Variants in SLC7A7 observed in about 807,000 individuals in gnomAD.
SLC7A7 encodes the protein Y+L amino acid transporter 1.
SLC7A7 carries 39 observed loss-of-function variants against 47.9 expected under a neutral mutation model. The ratio of observed to expected loss-of-function variants is 0.81; its 90% CI spans 0.63 to 1.06. SLC7A7 has a LOEUF of 1.06. Among genes scored for constraint, SLC7A7 ranks in the 50% least tolerant of loss-of-function variants. SLC7A7 has a pLI of 0.00. For synonymous variants in SLC7A7, 234 were observed against 242.8 expected, an observed-to-expected ratio of 0.96 and a Z score of 0.34; for missense variants, 588 against 632.0, an observed-to-expected ratio of 0.93 and a Z score of 0.75.
upstream of SLC7A7, chr14:22,817,271 G>A (rs2039420049): frequency 7.5e-6 from 2 of 266,926 alleles, no homozygotes; most frequent in Non-Finnish European, 1.5e-5. Context: ...TCAGCCTCCT[G>A]AGTAACTAGG....
intron 6 of SLC7A7, 26 bp downstream of exon 6, chr14:22,775,807 C>T (rs2038591440): frequency 1.3e-6 from 2 of 1,511,356 alleles, no homozygotes; most frequent in Admixed American, 3.3e-5. Context: ...TGATGATACA[C>T]CCCTCACAAA....
chr14:22,812,929 G>C lies in SLC7A7; in HGVS notation c.470C>G (p.Ala157Gly). 1.2e-6 allele frequency: 2 copies of C among 1,613,792 alleles called. No individual in the cohort carries two copies. Among genetic ancestry groups the C allele is most frequent in the Non-Finnish European group, 1.7e-6 (2 of 1,180,006 alleles). Residue 157 changes from alanine (A) to glycine (G), a missense_variant, in exon 2 of 10, where the codon GCC becomes GGC. Transcript: ENST00000674313. ...LFPSCFAPYA[A>G]SRLLAAACIC... ...GCAGGCAGCAGCCAGCAGGCGGCTG[G>C]CAGCATAAGGGGCGAAGCAGCTCGG...
intron 2 of SLC7A7, among the ~76,000 whole-genome samples, chr14:22,782,200 T>G (rs555831344): frequency 6.6e-6 from 1 of 152,194 alleles, no homozygotes; most frequent in African/African-American, 2.4e-5. Flanking sequence ...CCTCCCGGGT[T>G]CAAGCCATTC....
chr14:22,803,251 T>C (rs7141545), intron 2 of SLC7A7, among the ~76,000 whole-genome samples: 146,349 of 152,102 alleles, frequency 0.96, 70,643 homozygotes, highest in East Asian at 1. Context: ...GAAACCCTAT[T>C]TCTGCTAAAA....
chr14:22,818,583 G>GTTTTTTTTTTT (rs565680138), upstream of SLC7A7, among the ~76,000 whole-genome samples: 3 of 129,524 alleles, frequency 2.3e-5, no homozygotes, highest in Non-Finnish European at 1.6e-5. Context: ...CAGGTTTTTG[G>GTTTTTTTTTTT]TTTTTTTTTT....
rs1195982035 is a variant in SLC7A7, at chr14:22,775,525, G to C, written c.1014C>G (p.Gly338=). ...CATCAGGGAGATGGCCTTCTCTTGA[G>C]CCCACAAAGAAAAGCCTATGTTAGG... ...IVAASRLFFV[G]SREGHLPDAI... is the part of the protein sequence containing the mutation. Residue 338 remains glycine, a synonymous_variant, in exon 7 of 10, where the codon GGC becomes GGG. Coordinates refer to ENST00000674313, the MANE Select transcript of SLC7A7 (RefSeq NM_003982.4). 9.9e-6 allele frequency: 16 copies of C among 1,614,022 alleles called. No homozygotes were observed. The highest frequency in any genetic ancestry group is 1.3e-5 in the African/African-American group (1 of 74,926).
chr14:22,786,476 T>C (rs2038819631), intron 2 of SLC7A7, among the ~76,000 whole-genome samples: 4 of 152,164 alleles, frequency 2.6e-5, no homozygotes, highest in Admixed American at 2.6e-4. Context: ...TGCATATACT[T>C]CACTGTGTCA....
At chr14:22,807,649 G>A (rs1425330452) in intron 2 of SLC7A7, among the ~76,000 whole-genome samples, 1 of 152,046 alleles carries the variant, frequency 6.6e-6, no homozygotes, top group African/African-American at 2.4e-5. Context: ...CTCACCCAGG[G>A]CTGTCTCCTC....
chr14:22,778,598 T>G (rs1190484343), intron 4 of SLC7A7, among the ~76,000 whole-genome samples, 195 bp downstream of exon 4: 1 of 152,220 alleles, frequency 6.6e-6, no homozygotes, highest in Non-Finnish European at 1.5e-5. Context: ...AAAGCATACA[T>G]GAGTAAGTTC....
At chr14:22,798,570 C>T (rs79853099) in intron 2 of SLC7A7, among the ~76,000 whole-genome samples, 2,396 of 152,284 alleles carry the variant, frequency 0.016, 52 homozygotes, top group African/African-American at 0.055. Context: ...CAGAAACATA[C>T]CTCAACCAAC....
chr14:22,803,666 G>A (rs1328916521), intron 2 of SLC7A7, among the ~76,000 whole-genome samples: 4 of 152,172 alleles, frequency 2.6e-5, no homozygotes, highest in Non-Finnish European at 4.4e-5. Context: ...AGGGCAAGAA[G>A]TCCAAGGTGA....
Position 22,774,447 on chromosome 14 carries a change from G to GTAGTT in SLC7A7, c.1147_1151dup (p.Tyr384Ter), listed in dbSNP as rs386833798. 1.2e-6 allele frequency: 2 copies of GTAGTT among 1,614,038 alleles called. No individual in the cohort carries two copies. The highest frequency in any genetic ancestry group is 1.7e-6 in the Non-Finnish European group (2 of 1,180,040). On this transcript the variant is annotated stop_gained and frameshift_variant, in exon 8 of 10. Coordinates refer to ENST00000674313, the MANE Select transcript of SLC7A7 (RefSeq NM_003982.4). LOFTEE classifies it high-confidence loss of function. ...CAAAGAACCAGTAGCTGAAGCTGTA[G>GTAGTT]TAGTTAATGAGCTGGAAGATGTCTT... is the stretch of plus-strand genomic sequence containing the variant.
In SLC7A7 at chr14:22,779,940, A is replaced by G; in HGVS notation, c.611T>C (p.Val204Ala). 1 of 1,614,184 alleles carries G rather than the reference A, an allele frequency of 6.2e-7. No homozygotes were observed. Reference protein sequence around the residue: ...ALIAVIVAGIVRLGQGASTHF... With the variant: ...ALIAVIVAGIARLGQGASTHF... ...TTATTTCTTACCCTGGCCAAGTCTA[A>G]CAATGCCTGCAACGATGACCGCGAT... The change falls in exon 3 of 10, where the codon GTT becomes GCT. Residue 204 changes from valine (V) to alanine (A), a missense_variant. Transcript: ENST00000674313.
At chr14:22,801,852 A>C (rs2039120270) in intron 2 of SLC7A7, among the ~76,000 whole-genome samples, 1 of 152,210 alleles carries the variant, frequency 6.6e-6, no homozygotes, top group African/African-American at 2.4e-5. Flanking sequence ...ATGCGGTCAC[A>C]CACACCCACG....
chr14:22,806,895 C>CTTTT (rs397852982), intron 2 of SLC7A7, among the ~76,000 whole-genome samples: 6 of 123,610 alleles, frequency 4.9e-5, no homozygotes, highest in African/African-American at 9.3e-5. Context: ...CCACTGTTAA[C>CTTTT]TTTTTTTTTT....
rs200484429 is a variant in SLC7A7, at chr14:22,813,360, A to G, written c.39T>C (p.Pro13=). ...CACCCAAAGGGGAGGTTTCCACCTC[A>G]GGCTGGGAGGCCACTTCATACTCAG... ...DSTEYEVASQ[P]EVETSPLGDG... is the part of the protein sequence containing the mutation. The change falls in exon 2 of 10, where the codon CCT becomes CCC. Residue 13 remains proline (P), a synonymous_variant. Coordinates refer to ENST00000674313, the MANE Select transcript of SLC7A7 (RefSeq NM_003982.4). 1 of 1,613,696 alleles carries G rather than the reference A, an allele frequency of 6.2e-7. No individual in the cohort carries two copies. Among genetic ancestry groups the G allele is most frequent in the East Asian group, 2.2e-5 (1 of 44,880 alleles).
chr14:22,784,357 C>T (rs1024847320), intron 2 of SLC7A7, among the ~76,000 whole-genome samples: 1 of 152,186 alleles, frequency 6.6e-6, no homozygotes. Flanking sequence ...CAGTGGCTCA[C>T]GCCTGTAATC....
chr14:22,786,880 G>A (rs2139409839), intron 2 of SLC7A7, among the ~76,000 whole-genome samples: 1 of 152,158 alleles, frequency 6.6e-6, no homozygotes, highest in Non-Finnish European at 1.5e-5. Flanking sequence ...AGGCTGCAGG[G>A]AGCTGTGATC....
chr14:22,815,398 G>A lies in SLC7A7; in HGVS notation c.-121C>T. On this transcript the variant is annotated 5_prime_UTR_variant, in exon 1 of 10. Transcript: ENST00000674313. ...GAGAGAAGTGCCTTCCAGGATCTGT[G>A]GTCTGATGCTCCTCCTTCCCAGCCA... 2.2e-6 allele frequency: 1 copy of A among 454,522 alleles called. No homozygotes were observed. The highest frequency in any genetic ancestry group is 1.6e-5 in the South Asian group (1 of 64,476). 28.2% of individuals were successfully genotyped at this position (454,522 alleles called of 1,614,324 possible).
Sources: allele counts gnomAD v4.1 joint callset (sites outside exome capture counted in the v4.1 genomes callset), GRCh38; gene constraint gnomAD v4.1.1; transcripts MANE v1.5; gene names NCBI Gene and HGNC (gene_info 2026-07-23, HGNC 2026-07-21).